TAAR5: variants seen among roughly 807,000 people sequenced by gnomAD.
The protein encoded by TAAR5 is trace amine-associated receptor 5.
Under a neutral mutation model 21.1 loss-of-function variants are expected in TAAR5, and 27 were observed. That is an observed-to-expected ratio of 1.28 (90% CI 0.94 to 1.76). The LOEUF (loss-of-function observed/expected upper bound fraction) is 1.76, where lower values mean the gene tolerates loss of function less well. Ranked by LOEUF, TAAR5 falls within the 40% of genes most tolerant of loss-of-function variation. The pLI, the probability that TAAR5 is intolerant of heterozygous loss-of-function variation, is 0.00. For missense variants in TAAR5, 495 were observed against 405.6 expected (o/e 1.22, Z -1.89); for synonymous variants, 203 against 167.5 (o/e 1.21, Z -1.64).
chr6:132,600,959 GGGAAGGAGGGAAGGAGGGAAAGAAGGAA>G, the TAAR5 span, among the ~76,000 whole-genome samples: 43 of 27,420 alleles, frequency 1.6e-3, no homozygotes, highest in African/African-American at 8.0e-3. Context: ...GAAAGAAGGA[GGGAAGGAGGGAAGGAGGGAAAGAAGGAA>G]GGAAGGAGGG....
At chr6:132,612,733 A>G in the TAAR5 span, among the ~76,000 whole-genome samples, 27 of 152,266 alleles carry the variant, frequency 1.8e-4, no homozygotes, top group African/African-American at 6.5e-4. Context: ...TTTGCACCTT[A>G]TCTACCACTT....
At chr6:132,600,940 G>A in the TAAR5 span, among the ~76,000 whole-genome samples, 22 of 97,344 alleles carry the variant, frequency 2.3e-4, 1 homozygote, top group East Asian at 4.4e-4. Flanking sequence ...AAGGAGGGAA[G>A]GAGGGAAAGA....
rs540844874 is a variant in TAAR5, at chr6:132,589,551, G to A, written c.136C>T (p.Leu46=). Residue 46 remains leucine (L), a synonymous_variant, in exon 1 of 1, where the codon CTG becomes TTG. Coordinates refer to ENST00000258034, the MANE Select transcript of TAAR5 (RefSeq NM_003967.3). ...AATACATTCCCTAGCACGATAATCA[G>A]CATGCCTGCTGCACAGGCCAGGTAG... The part of the protein sequence containing the change: ...VIYLACAAGM[L]IIVLGNVFVA... 2.5e-6 allele frequency: 4 copies of A among 1,613,924 alleles called. No individual in the cohort carries two copies. The highest frequency in any genetic ancestry group is 2.2e-5 in the South Asian group (2 of 91,070).
At chr6:132,607,369 C>T in the TAAR5 span, among the ~76,000 whole-genome samples, 1 of 152,014 alleles carries the variant, frequency 6.6e-6, no homozygotes, top group East Asian at 1.9e-4. Flanking sequence ...CATGAAGGTT[C>T]TATTGACCTC....
At chr6:132,604,237 G>C in the TAAR5 span, among the ~76,000 whole-genome samples, 1 of 148,616 alleles carries the variant, frequency 6.7e-6, no homozygotes, top group African/African-American at 2.5e-5. Flanking sequence ...TCTGCCTCCT[G>C]GGTTCAAGCA....
At chr6:132,600,908 GGAAA>G in the TAAR5 span, among the ~76,000 whole-genome samples, 53 of 113,398 alleles carry the variant, frequency 4.7e-4, no homozygotes, top group South Asian at 2.4e-3. Context: ...AGGGAAGGAG[GGAAA>G]GAAGGAAGGA....
In TAAR5 at chr6:132,589,197, C is replaced by G; in HGVS notation, c.490G>C (p.Ala164Pro). Residue 164 changes from alanine (A) to proline (P), a missense_variant, in exon 1 of 1, where the codon GCA (alanine) becomes CCA (proline). Ala to Pro is a conservative substitution (Grantham distance 27, BLOSUM62 -1). Coordinates refer to ENST00000258034, the MANE Select transcript of TAAR5 (RefSeq NM_003967.3). ...GTGTAGAGGAATAACGAAGTGTATGCTGCGGGCACCCCCCATCCTGCCAGG... is the reference window on the plus strand; with the variant it reads ...GTGTAGAGGAATAACGAAGTGTATGGTGCGGGCACCCCCCATCCTGCCAGG... Reference protein sequence around the residue: ...YILAGWGVPAAYTSLFLYTDV... With the variant: ...YILAGWGVPAPYTSLFLYTDV... 6.2e-7 allele frequency: 1 copy of G among 1,605,220 alleles called. No individual in the cohort carries two copies. The highest frequency in any genetic ancestry group is 8.5e-7 in the Non-Finnish European group (1 of 1,175,550).
the TAAR5 span, among the ~76,000 whole-genome samples, chr6:132,602,156 C>T: frequency 6.6e-6 from 1 of 152,062 alleles, no homozygotes; most frequent in Non-Finnish European, 1.5e-5. Context: ...ACCTTTTTGG[C>T]ACCAGGGACT....
chr6:132,599,360 C>T, the TAAR5 span, among the ~76,000 whole-genome samples: 51,724 of 141,270 alleles, frequency 0.37, 9,907 homozygotes, highest in African/African-American at 0.41. Flanking sequence ...GACGGAGTCC[C>T]GCTCTGTCAC....
the TAAR5 span, among the ~76,000 whole-genome samples, chr6:132,612,371 C>G: frequency 3.3e-5 from 5 of 152,108 alleles, no homozygotes; most frequent in Non-Finnish European, 5.9e-5. Context: ...ATTCAATGTG[C>G]TTAAAATGTC....
the TAAR5 span, among the ~76,000 whole-genome samples, chr6:132,600,899 G>A: frequency 7.0e-5 from 7 of 100,718 alleles, no homozygotes; most frequent in Non-Finnish European, 1.2e-4. Context: ...AAGGGAAGGA[G>A]GGAAGGAGGG....
the TAAR5 span, among the ~76,000 whole-genome samples, chr6:132,612,015 T>C: frequency 6.6e-6 from 1 of 152,206 alleles, no homozygotes; most frequent in African/African-American, 2.4e-5. Flanking sequence ...AAAAATTATA[T>C]TGAGGATATG....
the TAAR5 span, among the ~76,000 whole-genome samples, chr6:132,604,413 G>T: frequency 1.3e-5 from 2 of 151,894 alleles, no homozygotes; most frequent in Non-Finnish European, 2.9e-5. Flanking sequence ...AAAATGCTGC[G>T]ATTACAGGCA....
At chr6:132,591,774 A>G (rs1398961060), upstream of TAAR5, among the ~76,000 whole-genome samples, 1 of 152,242 alleles carries the variant, frequency 6.6e-6, no homozygotes, top group Non-Finnish European at 1.5e-5. Context: ...GGGATAGATT[A>G]CATCAGACCT....
upstream of TAAR5, among the ~76,000 whole-genome samples, chr6:132,592,110 C>A (rs189114968): frequency 6.6e-6 from 1 of 152,220 alleles, no homozygotes; most frequent in Non-Finnish European, 1.5e-5. Context: ...TCTGGATCTA[C>A]TAAGGTTTCC....
At chr6:132,609,771 A>C in the TAAR5 span, among the ~76,000 whole-genome samples, 1 of 152,196 alleles carries the variant, frequency 6.6e-6, no homozygotes, top group Non-Finnish European at 1.5e-5. Flanking sequence ...TGACAATTTG[A>C]AATCTTCATT....
chr6:132,610,990 A>G, the TAAR5 span, among the ~76,000 whole-genome samples: 1 of 152,212 alleles, frequency 6.6e-6, no homozygotes, highest in Non-Finnish European at 1.5e-5. Context: ...GATGAAAGAA[A>G]AATAGGAAAT....
the TAAR5 span, among the ~76,000 whole-genome samples, chr6:132,600,869 G>GAGGGAAGGAAGGAAGC: frequency 2.3e-5 from 2 of 87,672 alleles, no homozygotes; most frequent in African/African-American, 8.4e-5. Flanking sequence ...AGGAAGGAAG[G>GAGGGAAGGAAGGAAGC]AGAGAGGGAA....
the TAAR5 span, among the ~76,000 whole-genome samples, chr6:132,601,213 A>G: frequency 2.6e-5 from 4 of 152,244 alleles, no homozygotes; most frequent in Non-Finnish European, 5.9e-5. Context: ...ACAGGTACTC[A>G]TAAACTGAAA....
Sources: gnomAD v4.1 joint callset for allele counts (sites outside exome capture counted in the v4.1 genomes callset) on GRCh38, gnomAD v4.1.1 for gene constraint, MANE v1.5 for transcripts, NCBI Gene and HGNC (gene_info 2026-07-23, HGNC 2026-07-21) for gene names.